UGT2A3: variants seen among roughly 807,000 people sequenced by gnomAD.
The protein encoded by UGT2A3 is UDP glucuronosyltransferase family 2 member A3.
A neutral mutation model predicts 44.1 loss-of-function variants in UGT2A3; 55 were observed. The observed-to-expected ratio is 1.25, with a 90% CI of 1.00 to 1.56. The LOEUF is 1.56. Among genes scored for constraint, UGT2A3 ranks in the 40% most tolerant of loss-of-function variants. The pLI is 0.00. For missense variants in UGT2A3, 733 were observed against 621.6 expected, an observed-to-expected ratio of 1.18 and a Z score of -1.91; for synonymous variants, 243 against 215.1, an observed-to-expected ratio of 1.13 and a Z score of -1.13.
chr4:68,951,579 G>A lies in UGT2A3; in HGVS notation c.182C>T (p.Pro61Leu). The A allele has an allele frequency of 6.2e-7, 1 of 1,613,032 alleles. No homozygotes were observed. Among genetic ancestry groups the A allele is most frequent in the Non-Finnish European group, 8.5e-7 (1 of 1,179,472 alleles). The change falls in exon 1 of 6, where the codon CCT (proline) becomes CTT (leucine). Residue 61 changes from proline to leucine, a missense_variant. Pro to Leu is a moderately conservative substitution (Grantham distance 98). Coordinates refer to ENST00000251566, the MANE Select transcript of UGT2A3 (RefSeq NM_024743.4). ...AGGCTTCCTGTAGTCAATTAACGAA[G>A]GCTTTGAGTGAGTCAATACTGTTAC... ...HEVTVLTHSK[P>L]SLIDYRKPSA...
At chr4:68,932,038 A>G (rs927185064) in intron 3 of UGT2A3, among the ~76,000 whole-genome samples, 1 of 151,988 alleles carries the variant, frequency 6.6e-6, no homozygotes, top group Non-Finnish European at 1.5e-5. Context: ...AGCACTATCT[A>G]AAGTGTGAAA....
Position 68,930,554 on chromosome 4 carries a change from G to A in UGT2A3, c.1296C>T (p.Thr432=), listed in dbSNP as rs774000743. ...DLLRALRTVI[T]DSSYKENAMR... ...CAAGCAGTAGTACTTACGAGGAATC[G>A]GTAATGACTGTTCTCAAAGCCCTCA... The change falls in exon 5 of 6, where the codon ACC becomes ACT. Residue 432 remains threonine, a synonymous_variant. Coordinates refer to ENST00000251566, the MANE Select transcript of UGT2A3 (RefSeq NM_024743.4). 21 of 1,608,814 alleles carry A rather than the reference G, an allele frequency of 1.3e-5. No individual in the cohort carries two copies. The highest frequency in any genetic ancestry group is 3.3e-5 in the South Asian group (3 of 90,352).
At chr4:68,947,577 GT>G (rs1411532826) in intron 1 of UGT2A3, among the ~76,000 whole-genome samples, 10 of 151,824 alleles carry the variant, frequency 6.6e-5, no homozygotes, top group African/African-American at 2.4e-4. Flanking sequence ...AACCATGAAT[GT>G]TCTTAATGGA....
At chr4:68,934,697 T>C (rs1280224616) in intron 2 of UGT2A3, among the ~76,000 whole-genome samples, 1 of 151,902 alleles carries the variant, frequency 6.6e-6, no homozygotes, top group Non-Finnish European at 1.5e-5. Context: ...AACCCATCTC[T>C]ACAAAATTTG....
Position 68,930,528 on chromosome 4 carries a change from A to G in UGT2A3, c.1304+18T>C, listed in dbSNP as rs371217169. The G allele has an allele frequency of 6.3e-7, 1 of 1,589,630 alleles. No homozygotes were observed. The highest frequency in any genetic ancestry group is 1.3e-5 in the African/African-American group (1 of 74,312). ...CATAGTCAATGTTAGATCAGTCTGT[A>G]CAAGCAGTAGTACTTACGAGGAATC... is the stretch of plus-strand genomic sequence containing the variant. On this transcript the variant is annotated intron_variant, in intron 5 of 5. Coordinates refer to ENST00000251566, the MANE Select transcript of UGT2A3 (RefSeq NM_024743.4).
intron 1 of UGT2A3, 99 bp from the exon 2 acceptor site, chr4:68,945,553 G>A (rs1478317321): frequency 4.1e-6 from 4 of 980,206 alleles, no homozygotes; most frequent in South Asian, 1.9e-5. Context: ...ATAAGTTTAA[G>A]TCCTCTAGAA....
At chr4:68,938,735 T>G (rs376744611) in intron 2 of UGT2A3, among the ~76,000 whole-genome samples, 3 of 152,084 alleles carry the variant, frequency 2.0e-5, no homozygotes, top group Admixed American at 6.6e-5. Context: ...GAAAGGATAT[T>G]CAATTAGGAA....
At chr4:68,944,318 C>A (rs777609414) in intron 2 of UGT2A3, among the ~76,000 whole-genome samples, 1 of 151,722 alleles carries the variant, frequency 6.6e-6, no homozygotes, top group African/African-American at 2.4e-5. Context: ...TTAGGCTGTT[C>A]ATCAGAATAA....
Position 68,951,128 on chromosome 4 carries a change from AT to A in UGT2A3, c.632del (p.Asn211IlefsTer28). ...AGTGGAACAAAACTGAAAGCATTGAATTTTTTACTCTTTCCAGAAAGGTCAT... is the reference window on the plus strand; with the variant it reads ...AGTGGAACAAAACTGAAAGCATTGAATTTTTACTCTTTCCAGAAAGGTCAT... ...DRMTFLERVK[N>X]SMLSVLFHFW... On this transcript the variant is annotated frameshift_variant, in exon 1 of 6. Coordinates refer to ENST00000251566, the MANE Select transcript of UGT2A3 (RefSeq NM_024743.4). LOFTEE classifies it high-confidence loss of function. 1 of 1,611,600 alleles carries A rather than the reference AT, an allele frequency of 6.2e-7. No homozygotes were observed. Among genetic ancestry groups the A allele is most frequent in the Non-Finnish European group, 8.5e-7 (1 of 1,178,856 alleles).
chr4:68,950,683 G>T (rs1718551309), intron 1 of UGT2A3, among the ~76,000 whole-genome samples: 1 of 151,726 alleles, frequency 6.6e-6, no homozygotes, highest in Non-Finnish European at 1.5e-5. Flanking sequence ...ACCTTCTGAA[G>T]ATTTTCTTAA....
intron 2 of UGT2A3, chr4:68,943,491 T>G (rs760048043): frequency 2.1e-4 from 67 of 316,622 alleles, no homozygotes; most frequent in Non-Finnish European, 3.4e-4. Context: ...GAAACCTTCC[T>G]TATAGGATTT....
chr4:68,936,646 G>A (rs1218788835), intron 2 of UGT2A3, among the ~76,000 whole-genome samples: 1 of 151,986 alleles, frequency 6.6e-6, no homozygotes, highest in Non-Finnish European at 1.5e-5. Context: ...TGAAGAAACT[G>A]CTTCAATTAA....
intron 2 of UGT2A3, among the ~76,000 whole-genome samples, chr4:68,938,414 TA>T (rs1455906272): frequency 2.0e-5 from 3 of 152,094 alleles, no homozygotes; most frequent in African/African-American, 7.2e-5. Context: ...CACAAATCAA[TA>T]AATGTAATCC....
intron 1 of UGT2A3, among the ~76,000 whole-genome samples, chr4:68,948,393 A>G (rs1718457167): frequency 6.6e-6 from 1 of 150,758 alleles, no homozygotes; most frequent in South Asian, 2.1e-4. Flanking sequence ...GCCAAAACCT[A>G]AGGTGATGTT....
rs746736557 is a variant in UGT2A3, at chr4:68,932,714, C to T, written c.910G>A (p.Val304Met). The T allele has an allele frequency of 5.6e-6, 9 of 1,611,672 alleles. No homozygotes were observed. The highest frequency in any genetic ancestry group is 1.1e-5 in the South Asian group (1 of 90,878). The change falls in exon 3 of 6, where the codon GTG (valine) becomes ATG (methionine). Residue 304 changes from valine (V) to methionine (M), a missense_variant. Transcript: ENST00000251566. Reference protein sequence around the residue: ...VQSSGEDGIVVFSLGSLFQNV... With the variant: ...VQSSGEDGIVMFSLGSLFQNV... ...TGAAACAGTGACCCCAGAGAAAACA[C>T]CACAATACCATCTTCCCCTGAACTC... is the stretch of plus-strand genomic sequence containing the variant.
At chr4:68,945,564 C>G in intron 1 of UGT2A3, 110 bp from the exon 2 acceptor site, 1 of 723,654 alleles carries the variant, frequency 1.4e-6, no homozygotes, top group Non-Finnish European at 2.0e-6. Context: ...TCCTCTAGAA[C>G]AACATGGCTT....
intron 2 of UGT2A3, among the ~76,000 whole-genome samples, chr4:68,934,656 G>A (rs541215337): frequency 3.1e-4 from 47 of 151,994 alleles, no homozygotes; most frequent in Middle Eastern, 3.4e-3. Flanking sequence ...AGAATCACTT[G>A]AAGCCCAAAG....
At chr4:68,948,439 C>CTTTTTTTTTTTT (rs60082800) in intron 1 of UGT2A3, among the ~76,000 whole-genome samples, 3 of 110,152 alleles carry the variant, frequency 2.7e-5, no homozygotes, top group East Asian at 2.9e-4. Flanking sequence ...TCTTTTTTTT[C>CTTTTTTTTTTTT]TTTTTTTTTT....
intron 2 of UGT2A3, among the ~76,000 whole-genome samples, chr4:68,941,083 A>G (rs1231559743): frequency 6.6e-6 from 1 of 151,698 alleles, no homozygotes; most frequent in South Asian, 2.1e-4. Flanking sequence ...CAGAAGAGCT[A>G]GTTGTTTTAC....
Sources: allele counts gnomAD v4.1 joint callset (sites outside exome capture counted in the v4.1 genomes callset), GRCh38; gene constraint gnomAD v4.1.1; transcripts MANE v1.5; gene names NCBI Gene and HGNC (gene_info 2026-07-23, HGNC 2026-07-21).